The following ASIC2 variants were observed in gnomAD, a reference collection of about 807,000 sequenced individuals.
The protein encoded by ASIC2 is acid sensing ion channel subunit 2, also known as acid-sensing ion channel 2.
Under a neutral mutation model 57.3 loss-of-function variants are expected in ASIC2, and 25 were observed. That is an observed-to-expected ratio of 0.44 (90% CI 0.32 to 0.61). The LOEUF (loss-of-function observed/expected upper bound fraction) is 0.61, where lower values mean the gene tolerates loss of function less well. Ranked by LOEUF, ASIC2 falls within the 20% of genes least tolerant of loss-of-function variation. The pLI, the probability that ASIC2 is intolerant of heterozygous loss-of-function variation, is 0.06. For synonymous variants in ASIC2, 319 were observed against 307.5 expected (o/e 1.04, Z -0.39); for missense variants, 641 against 738.1 (o/e 0.87, Z 1.52).
intron 1 of ASIC2, among the ~76,000 whole-genome samples, chr17:33,379,497 G>A (rs953674143): frequency 1.3e-5 from 2 of 152,146 alleles, no homozygotes; most frequent in African/African-American, 4.8e-5. Flanking sequence ...ACCTTTTAAG[G>A]GGGTGAGGAT....
At chr17:33,630,529 T>C (rs1906130888) in intron 1 of ASIC2, among the ~76,000 whole-genome samples, 1 of 152,148 alleles carries the variant, frequency 6.6e-6, no homozygotes, top group African/African-American at 2.4e-5. Flanking sequence ...TGATGTCCCC[T>C]TTAGGACCAT....
chr17:34,075,557 G>C (rs908913276), intron 1 of ASIC2, among the ~76,000 whole-genome samples: 1 of 152,188 alleles, frequency 6.6e-6, no homozygotes, highest in African/African-American at 2.4e-5. Flanking sequence ...GAGGAAGTGA[G>C]GAGCTGAAAA....
chr17:33,811,523 C>T (rs915677980), intron 1 of ASIC2, among the ~76,000 whole-genome samples: 16 of 152,132 alleles, frequency 1.1e-4, no homozygotes, highest in African/African-American at 3.4e-4. Context: ...CCATGAATGC[C>T]GAGGACTTGC....
chr17:33,769,818 T>A (rs1184732827), intron 1 of ASIC2, among the ~76,000 whole-genome samples: 2 of 152,190 alleles, frequency 1.3e-5, no homozygotes, highest in East Asian at 3.9e-4. Flanking sequence ...GCTCACTTCC[T>A]TGTGTGCGGA....
At chr17:33,393,696 T>C (rs1305413644) in intron 1 of ASIC2, among the ~76,000 whole-genome samples, 8 of 152,126 alleles carry the variant, frequency 5.3e-5, no homozygotes, top group Non-Finnish European at 7.4e-5. Flanking sequence ...CAGTTGGTGA[T>C]CTAAGTTATG....
chr17:33,939,733 C>T (rs1441732706), intron 1 of ASIC2, among the ~76,000 whole-genome samples: 3 of 152,320 alleles, frequency 2.0e-5, no homozygotes, highest in East Asian at 1.9e-4. Flanking sequence ...GCTGTGGCAA[C>T]AAGGTGTCCA....
chr17:33,935,662 A>G (rs903635849), intron 1 of ASIC2: 4 of 152,192 alleles, frequency 2.6e-5, no homozygotes, highest in African/African-American at 9.7e-5. Flanking sequence ...GTGGATGAGG[A>G]AACTACAGCT....
intron 1 of ASIC2, among the ~76,000 whole-genome samples, chr17:33,487,886 C>A (rs1200920323): frequency 6.6e-6 from 1 of 152,152 alleles, no homozygotes; most frequent in Admixed American, 6.5e-5. Context: ...GCTCTTGGGC[C>A]TTTGGCAAAA....
intron 1 of ASIC2, among the ~76,000 whole-genome samples, chr17:34,106,496 C>T (rs1911061848): frequency 6.6e-6 from 1 of 152,092 alleles, no homozygotes; most frequent in Admixed American, 6.6e-5. Context: ...AACCTCCCCT[C>T]TCCTGTATGT....
intron 1 of ASIC2, among the ~76,000 whole-genome samples, chr17:33,870,445 G>A (rs571008526): frequency 1.3e-5 from 2 of 151,684 alleles, no homozygotes; most frequent in African/African-American, 4.8e-5. Context: ...TGCTTGACTT[G>A]GTCCATTCCT....
intron 1 of ASIC2, among the ~76,000 whole-genome samples, chr17:33,548,562 T>C (rs566840690): frequency 1.2e-3 from 181 of 152,314 alleles, no homozygotes; most frequent in African/African-American, 4.0e-3. Context: ...AGCATTGGAC[T>C]GGGAGTCTAC....
At chr17:33,736,433 C>A (rs1404062755) in intron 1 of ASIC2, among the ~76,000 whole-genome samples, 1 of 152,156 alleles carries the variant, frequency 6.6e-6, no homozygotes, top group Admixed American at 6.5e-5. Flanking sequence ...TACACTCAAG[C>A]CACTGTATCT....
chr17:33,257,228 G>A (rs1163866850), intron 1 of ASIC2, among the ~76,000 whole-genome samples: 1 of 152,338 alleles, frequency 6.6e-6, no homozygotes, highest in East Asian at 1.9e-4. Flanking sequence ...GCTGCCTTTA[G>A]CAAGTGAGGA....
chr17:34,113,038 G>C (rs1911322778), intron 1 of ASIC2, among the ~76,000 whole-genome samples: 1 of 152,134 alleles, frequency 6.6e-6, no homozygotes, highest in Non-Finnish European at 1.5e-5. Flanking sequence ...GCACTGATGG[G>C]TTTCAAGTAA....
At chr17:34,019,845 A>T (rs1907094018) in intron 1 of ASIC2, among the ~76,000 whole-genome samples, 1 of 152,242 alleles carries the variant, frequency 6.6e-6, no homozygotes, top group South Asian at 2.1e-4. Context: ...GAGCTTGCTC[A>T]AGTGGCTGCA....
chr17:33,760,164 C>CA (rs35440192), intron 1 of ASIC2, among the ~76,000 whole-genome samples: 7,235 of 149,438 alleles, frequency 0.048, 542 homozygotes, highest in African/African-American at 0.16. Flanking sequence ...TATAATGACT[C>CA]AAAAAAAAAT....
intron 1 of ASIC2, among the ~76,000 whole-genome samples, chr17:33,236,121 T>C (rs963387499): frequency 6.6e-6 from 1 of 151,362 alleles, no homozygotes; most frequent in African/African-American, 2.4e-5. Context: ...AGGGAGTTGA[T>C]GATATTTAGA....
intron 1 of ASIC2, among the ~76,000 whole-genome samples, chr17:33,322,342 C>A (rs1906902493): frequency 6.6e-6 from 1 of 152,110 alleles, no homozygotes; most frequent in African/African-American, 2.4e-5. Flanking sequence ...CAAAATCCAG[C>A]CGAATGAGAG....
At chr17:33,300,672 C>T (rs1337451181) in intron 1 of ASIC2, among the ~76,000 whole-genome samples, 1 of 152,218 alleles carries the variant, frequency 6.6e-6, no homozygotes, top group African/African-American at 2.4e-5. Context: ...GTCCTAAGCA[C>T]ACAGCTCTTC....
Sources: gnomAD v4.1 joint callset for allele counts (sites outside exome capture counted in the v4.1 genomes callset) on GRCh38, gnomAD v4.1.1 for gene constraint, MANE v1.5 for transcripts, NCBI Gene and HGNC (gene_info 2026-07-23, HGNC 2026-07-21) for gene names.